Variants in DOCK7 observed in about 807,000 individuals in gnomAD.
DOCK7 encodes dedicator of cytokinesis protein 7.
Under a neutral mutation model 271.0 loss-of-function variants are expected in DOCK7, and 138 were observed. The ratio of observed to expected loss-of-function variants is 0.51; its 90% confidence interval spans 0.44 to 0.59. DOCK7 has a LOEUF of 0.59. Among genes scored for constraint, DOCK7 ranks in the 20% least tolerant of loss-of-function variants. DOCK7 has a pLI of 0.00. For missense variants in DOCK7, 2,066 were observed against 2,592.4 expected (o/e 0.80, Z 4.41); for synonymous variants, 823 against 876.1 (o/e 0.94, Z 1.07).
chr1:62,679,664 G>A (rs1660894146), intron 1 of DOCK7, among the ~76,000 whole-genome samples: 1 of 152,164 alleles, frequency 6.6e-6, no homozygotes, highest in African/African-American at 2.4e-5. Context: ...TGGCATTGAT[G>A]TAAAGCAACA....
Position 62,663,134 on chromosome 1 carries a change from C to T in DOCK7, c.39-4G>A. 6.5e-7 allele frequency: 1 copy of T among 1,534,902 alleles called. No homozygotes were observed. Among genetic ancestry groups the T allele is most frequent in the Non-Finnish European group, 8.8e-7 (1 of 1,132,320 alleles). On this transcript the variant is annotated splice_region_variant and splice_polypyrimidine_tract_variant and intron_variant, in intron 1 of 49. Coordinates refer to ENST00000635253, the MANE Select transcript of DOCK7 (RefSeq NM_001367561.1). ...CCTAACTTCGGCTGCCACCGTTCTA[C>T]AATGAAGAAAGCAAAAACATACGCA...
Position 62,476,159 on chromosome 1 carries a change from A to G in DOCK7, c.5635-3T>C, listed in dbSNP as rs775916462. 2 of 1,608,552 alleles carry G rather than the reference A, an allele frequency of 1.2e-6. No individual in the cohort carries two copies. The stretch of plus-strand genomic sequence containing the variant: ...CCAAATCTTTCTCCGTAAAATCCCT[A>G]CAATAAAGAAAAAGAAACATTTTAT... On this transcript the variant is annotated splice_region_variant and splice_polypyrimidine_tract_variant and intron_variant, in intron 44 of 49. Coordinates refer to ENST00000635253, the MANE Select transcript of DOCK7 (RefSeq NM_001367561.1).
At position 62,510,571 on chromosome 1, in the gene DOCK7, T is replaced by C. The variant is rs1161007192; in HGVS notation, c.4379+6A>G. 1.9e-6 allele frequency: 3 copies of C among 1,609,800 alleles called. No individual in the cohort carries two copies. The highest frequency in any genetic ancestry group is 2.2e-5 in the East Asian group (1 of 44,724). On this transcript the variant is annotated splice_donor_region_variant and intron_variant, in intron 34 of 49. Coordinates refer to ENST00000635253, the MANE Select transcript of DOCK7 (RefSeq NM_001367561.1). ...ATCAGTAACATAAAATAGAAAGCTGTATTACTTGTCAAGCTTCTCTGTGTT... is the reference window on the plus strand; with the variant it reads ...ATCAGTAACATAAAATAGAAAGCTGCATTACTTGTCAAGCTTCTCTGTGTT...
chr1:62,660,056 C>G (rs1479457450), intron 2 of DOCK7, among the ~76,000 whole-genome samples: 1 of 152,098 alleles, frequency 6.6e-6, no homozygotes, highest in African/African-American at 2.4e-5. Flanking sequence ...TTCAAAAGCA[C>G]CATCAACCAA....
At chr1:62,579,853 C>T (rs1308022839) in intron 16 of DOCK7, among the ~76,000 whole-genome samples, 2 of 151,938 alleles carry the variant, frequency 1.3e-5, no homozygotes, top group Non-Finnish European at 2.9e-5. Context: ...AATCAGGAAA[C>T]GCCCACAAAC....
rs193071245 is a variant in DOCK7 at position 62,653,216 on chromosome 1, T to C, written c.389+509A>G. On this transcript the variant is annotated intron_variant, in intron 4 of 49. Coordinates refer to ENST00000635253, the MANE Select transcript of DOCK7 (RefSeq NM_001367561.1). The stretch of plus-strand genomic sequence containing the variant: ...TCTGACTTGCTATTGCACAGTTTAT[T>C]AGGAAAATAAATTTTGGCTAGAACA... Among the ~76,000 whole-genome samples, 22 of 152,282 alleles carry C rather than the reference T, an allele frequency of 1.4e-4. No homozygotes were observed. In the East Asian group the frequency reaches 4.0e-3, roughly 28 times the overall value.
At chr1:62,488,836 C>A (rs1340612630) in intron 42 of DOCK7, 98 bp downstream of exon 42, 2 of 1,479,312 alleles carry the variant, frequency 1.4e-6, no homozygotes, top group Non-Finnish European at 1.9e-6. Context: ...TTAAAATGGT[C>A]ATTTCACGGG....
chr1:62,683,661 C>T (rs1317024354), intron 1 of DOCK7, among the ~76,000 whole-genome samples: 4 of 152,060 alleles, frequency 2.6e-5, no homozygotes, highest in African/African-American at 9.7e-5. Flanking sequence ...AAGAGTAGGC[C>T]AGGTAGCTCA....
At chr1:62,640,647 A>G (rs1032712636) in intron 7 of DOCK7, among the ~76,000 whole-genome samples, 2 of 152,262 alleles carry the variant, frequency 1.3e-5, no homozygotes, top group Non-Finnish European at 2.9e-5. Flanking sequence ...TTGGTTGCAC[A>G]TGTTCCCAGT....
intron 24 of DOCK7, 88 bp from the exon 25 acceptor site, chr1:62,542,791 TAATGAG>T: frequency 9.4e-6 from 12 of 1,280,638 alleles, no homozygotes; most frequent in Non-Finnish European, 1.2e-5. Flanking sequence ...AACGAAGATA[TAATGAG>T]AATAAGCAAA....
intron 14 of DOCK7, among the ~76,000 whole-genome samples, chr1:62,587,299 TAAAAAAAA>T: frequency 2.4e-5 from 1 of 41,818 alleles, no homozygotes; most frequent in African/African-American, 7.2e-5. Context: ...ACCAAATAGC[TAAAAAAAA>T]AAAAAAAAAA....
At chr1:62,604,493 ACAGATTATTT>A in intron 14 of DOCK7, 1 of 984,010 alleles carries the variant, frequency 1.0e-6, no homozygotes, top group Non-Finnish European at 1.5e-6. Context: ...TGGGACTTAT[ACAGATTATTT>A]AAAACTGGGA....
At chr1:62,619,856 G>C in intron 13 of DOCK7, 44 bp downstream of exon 13, 4 of 1,248,584 alleles carry the variant, frequency 3.2e-6, no homozygotes, top group Non-Finnish European at 3.5e-6. Flanking sequence ...ACATAGTAGT[G>C]ATAATAATAG....
At chr1:62,566,092 A>G (rs1050643886) in intron 18 of DOCK7, among the ~76,000 whole-genome samples, 9 of 152,250 alleles carry the variant, frequency 5.9e-5, no homozygotes, top group Non-Finnish European at 1.0e-4. Context: ...GCTCATGGAT[A>G]GGAAGAATCA....
At chr1:62,595,050 G>T (rs1298366924) in intron 14 of DOCK7, among the ~76,000 whole-genome samples, 1 of 151,936 alleles carries the variant, frequency 6.6e-6, no homozygotes, top group Non-Finnish European at 1.5e-5. Context: ...CAGAGTAAAG[G>T]GTAAGATGGA....
At chr1:62,508,825 T>A (rs1482053213) in intron 34 of DOCK7, among the ~76,000 whole-genome samples, 2 of 152,150 alleles carry the variant, frequency 1.3e-5, no homozygotes, top group East Asian at 3.8e-4. Context: ...TATCATTTAA[T>A]GCAAATAAAA....
At chr1:62,456,146 G>A (rs907282716) in intron 49 of DOCK7, among the ~76,000 whole-genome samples, 1 of 152,116 alleles carries the variant, frequency 6.6e-6, no homozygotes, top group African/African-American at 2.4e-5. Context: ...GAAAATAAGT[G>A]AGAAAAGGCC....
intron 14 of DOCK7, chr1:62,603,914 T>G (rs1261821697): frequency 3.3e-5 from 51 of 1,558,128 alleles, no homozygotes; most frequent in Non-Finnish European, 4.1e-5. Context: ...AAAAAAACTG[T>G]CAGTGTCCAA....
At chr1:62,608,946 G>A (rs1334882440) in intron 14 of DOCK7, 1 of 152,032 alleles carries the variant, frequency 6.6e-6, no homozygotes, top group African/African-American at 2.4e-5. Context: ...TTCCAAATTT[G>A]TACTCATATA....
Sources: gnomAD v4.1 joint callset for allele counts (sites outside exome capture counted in the v4.1 genomes callset) on GRCh38, gnomAD v4.1.1 for gene constraint, MANE v1.5 for transcripts, NCBI Gene and HGNC (gene_info 2026-07-23, HGNC 2026-07-21) for gene names.